Variants in ANK3 observed in about 807,000 individuals in gnomAD.
ANK3 encodes ankyrin-3.
In ANK3, 57 loss-of-function variants were observed where a neutral mutation model predicts 370.9. The ratio of observed to expected loss-of-function variants is 0.15; its 90% confidence interval spans 0.12 to 0.19. The LOEUF (loss-of-function observed/expected upper bound fraction) is 0.19, where lower values mean the gene tolerates loss of function less well. Ranked by LOEUF, ANK3 falls within the 10% of genes least tolerant of loss-of-function variation. ANK3 has a pLI of 1.00. For missense variants in ANK3, 4,439 were observed against 5,302.1 expected, an observed-to-expected ratio of 0.84 and a Z score of 5.06; for synonymous variants, 1,929 against 1,946.3, an observed-to-expected ratio of 0.99 and a Z score of 0.23.
At chr10:60,035,355 T>G (rs1433354930) in intron 43 of ANK3, among the ~76,000 whole-genome samples, 1 of 151,986 alleles carries the variant, frequency 6.6e-6, no homozygotes, top group Non-Finnish European at 1.5e-5. Flanking sequence ...TTCAAGCGAT[T>G]CTCCTGCCTC....
At chr10:60,715,215 A>ATGTGTGTG (rs5785463) in intron 1 of ANK3, among the ~76,000 whole-genome samples, 32,376 of 147,048 alleles carry the variant, frequency 0.22, 3,564 homozygotes, top group East Asian at 0.32. Flanking sequence ...ACATATACAA[A>ATGTGTGTG]TGTGTGTGTG....
chr10:60,460,764 C>T (rs1461272899), intron 2 of ANK3, among the ~76,000 whole-genome samples: 2 of 152,110 alleles, frequency 1.3e-5, no homozygotes, highest in African/African-American at 2.4e-5. Context: ...CATAAAGACA[C>T]TAACAACTCA....
chr10:60,238,600 T>G (rs901081140), intron 7 of ANK3, among the ~76,000 whole-genome samples: 1 of 151,342 alleles, frequency 6.6e-6, no homozygotes, highest in Non-Finnish European at 1.5e-5. Flanking sequence ...AAGGCAGGAG[T>G]GTGGGGAGAC....
intron 8 of ANK3, among the ~76,000 whole-genome samples, chr10:60,217,112 T>C (rs977981584): frequency 1.3e-5 from 2 of 152,174 alleles, no homozygotes; most frequent in Non-Finnish European, 2.9e-5. Context: ...AGTGGTGATA[T>C]CCCCTTTGTC....
intron 1 of ANK3, among the ~76,000 whole-genome samples, chr10:60,316,777 T>C (rs904111767): frequency 7.2e-5 from 11 of 152,178 alleles, no homozygotes; most frequent in Non-Finnish European, 1.3e-4. Flanking sequence ...AGATGGAGTC[T>C]TGCTCTGTCA....
chr10:60,732,531 G>C (rs962339476), intron 1 of ANK3, among the ~76,000 whole-genome samples: 1 of 152,136 alleles, frequency 6.6e-6, no homozygotes, highest in African/African-American at 2.4e-5. Flanking sequence ...CCTTTACAAG[G>C]CTCTCGGAGA....
At chr10:60,728,949 T>A (rs996420668) in intron 1 of ANK3, among the ~76,000 whole-genome samples, 1 of 152,204 alleles carries the variant, frequency 6.6e-6, no homozygotes, top group Non-Finnish European at 1.5e-5. Flanking sequence ...TGGTTGTTAT[T>A]ATTACTAGAC....
Position 60,524,665 on chromosome 10 carries a change from C to T in ANK3, c.96+90521G>A, listed in dbSNP as rs540667289. 5.9e-5 allele frequency among the ~76,000 whole-genome samples: 9 copies of T among 152,174 alleles called. No individual in the cohort carries two copies. In the South Asian group the frequency reaches 1.2e-3, roughly 21 times the overall value. On this transcript the variant is annotated intron_variant, in intron 2 of 43. Coordinates refer to the ANK3 transcript ENST00000373827. ...CTTTCTTTTGCAAATTGCTCAGTCT[C>T]GGGTATGTCTTTACCAGTAGCATGA...
At chr10:60,400,751 A>T (rs2063336741) in intron 2 of ANK3, among the ~76,000 whole-genome samples, 1 of 152,108 alleles carries the variant, frequency 6.6e-6, no homozygotes, top group South Asian at 2.1e-4. Flanking sequence ...CAGGATGTGT[A>T]GGTTTGTTAC....
At chr10:60,343,790 A>G (rs942856779) in intron 1 of ANK3, among the ~76,000 whole-genome samples, 4 of 152,212 alleles carry the variant, frequency 2.6e-5, no homozygotes, top group African/African-American at 9.6e-5. Context: ...GAACTCCAGC[A>G]TACATGACAG....
chr10:60,556,208 G>A (rs1299214540), intron 2 of ANK3, among the ~76,000 whole-genome samples: 1 of 152,180 alleles, frequency 6.6e-6, no homozygotes, highest in Non-Finnish European at 1.5e-5. Context: ...CAGAACAGAA[G>A]GCATATATCT....
intron 1 of ANK3, among the ~76,000 whole-genome samples, chr10:60,714,200 A>T (rs1415362343): frequency 1.3e-5 from 2 of 152,210 alleles, no homozygotes; most frequent in Non-Finnish European, 2.9e-5. Flanking sequence ...AAATAAGGAG[A>T]AACAGGTAAT....
At chr10:60,126,154 T>C (rs1012650119) in intron 25 of ANK3, among the ~76,000 whole-genome samples, 9 of 152,170 alleles carry the variant, frequency 5.9e-5, no homozygotes, top group African/African-American at 1.7e-4. Flanking sequence ...CCAGTCACTA[T>C]TGAAGGCCTG....
intron 2 of ANK3, among the ~76,000 whole-genome samples, chr10:60,594,946 C>G (rs557794825): frequency 6.6e-6 from 1 of 152,068 alleles, no homozygotes; most frequent in East Asian, 1.9e-4. Context: ...CTGATTCTGG[C>G]TTAATGGGAT....
At chr10:60,509,212 A>C (rs895605383) in intron 2 of ANK3, among the ~76,000 whole-genome samples, 1 of 152,156 alleles carries the variant, frequency 6.6e-6, no homozygotes, top group Non-Finnish European at 1.5e-5. Flanking sequence ...GACATAGGAA[A>C]TATGCAAAAT....
intron 1 of ANK3, among the ~76,000 whole-genome samples, chr10:60,320,318 G>A (rs1402988503): frequency 6.6e-6 from 1 of 152,180 alleles, no homozygotes; most frequent in Non-Finnish European, 1.5e-5. Context: ...CATGGGCCTG[G>A]TATGGTGGCT....
At chr10:60,452,992 T>C (rs1314362472) in intron 2 of ANK3, among the ~76,000 whole-genome samples, 2 of 152,192 alleles carry the variant, frequency 1.3e-5, no homozygotes, top group Middle Eastern at 3.2e-3. Context: ...CTGCTTCACA[T>C]GGCAGCAGGG....
intron 17 of ANK3, among the ~76,000 whole-genome samples, chr10:60,183,355 C>T (rs1386446715): frequency 6.6e-6 from 1 of 152,026 alleles, no homozygotes; most frequent in African/African-American, 2.4e-5. Context: ...AGCATTTAAT[C>T]CACTCACTCA....
At chr10:60,286,693 A>C (rs1334187160) in intron 1 of ANK3, among the ~76,000 whole-genome samples, 1 of 152,160 alleles carries the variant, frequency 6.6e-6, no homozygotes, top group Non-Finnish European at 1.5e-5. Context: ...ACCAATTTAC[A>C]TTTCCCTGGC....
Sources: gnomAD v4.1 joint callset for allele counts (sites outside exome capture counted in the v4.1 genomes callset) on GRCh38, gnomAD v4.1.1 for gene constraint, MANE v1.5 for transcripts, NCBI Gene and HGNC (gene_info 2026-07-23, HGNC 2026-07-21) for gene names.